Variants in TENM1 observed in about 807,000 individuals in gnomAD.
TENM1 encodes the protein teneurin transmembrane protein 1, also known as teneurin-1.
In TENM1, 35 loss-of-function variants were observed where a neutral mutation model predicts 174.8. The observed-to-expected ratio is 0.20, with a 90% CI of 0.15 to 0.27. The LOEUF (loss-of-function observed/expected upper bound fraction) is 0.27. TENM1 is among the 10% of genes least tolerant of loss of function. The pLI is 1.00. For missense variants in TENM1, 1,633 were observed against 2,130.1 expected (o/e 0.77, Z 4.59); for synonymous variants, 781 against 798.7 (o/e 0.98, Z 0.37).
chrX:125,149,480 C>T, the TENM1 span, among the ~76,000 whole-genome samples: 1 of 112,012 alleles, frequency 8.9e-6, no homozygotes, highest in Non-Finnish European at 1.9e-5. Flanking sequence ...CCATTTGCAT[C>T]CCTAGTGCTC....
chrX:125,183,475 A>ATTG, the TENM1 span, among the ~76,000 whole-genome samples: 1 of 112,137 alleles, frequency 8.9e-6, no homozygotes, highest in Admixed American at 9.5e-5. Context: ...GAAAGGTGCC[A>ATTG]GATTGAAAGC....
At chrX:124,790,143 A>G (rs1180571567) in intron 3 of TENM1, among the ~76,000 whole-genome samples, 2 of 111,625 alleles carry the variant, frequency 1.8e-5, no homozygotes, top group African/African-American at 6.5e-5. Context: ...AGACCCATGC[A>G]CTATCATGAG....
intron 14 of TENM1, among the ~76,000 whole-genome samples, chrX:124,560,269 C>T (rs752774898): frequency 1.9e-5 from 2 of 105,248 alleles, no homozygotes; most frequent in African/African-American, 7.0e-5. Context: ...TCAAGTGGCT[C>T]ACTTGAACTA....
chrX:124,418,526 C>T (rs781566026), intron 25 of TENM1, among the ~76,000 whole-genome samples: 5 of 111,919 alleles, frequency 4.5e-5, no homozygotes, highest in African/African-American at 1.6e-4. Context: ...CTCCATAGAA[C>T]TTATCACCAT....
At chrX:124,511,174 T>C (rs1363786226) in intron 18 of TENM1, among the ~76,000 whole-genome samples, 1 of 112,293 alleles carries the variant, frequency 8.9e-6, no homozygotes, top group East Asian at 2.8e-4. Context: ...TGCTCCATTT[T>C]TCAGACACTT....
At chrX:124,697,101 C>A (rs779133696) in intron 5 of TENM1, among the ~76,000 whole-genome samples, 2 of 111,604 alleles carry the variant, frequency 1.8e-5, no homozygotes, top group African/African-American at 6.5e-5. Flanking sequence ...TATATCTTTT[C>A]TTCCTGTTAA....
chrX:124,838,729 G>T (rs754522730), intron 3 of TENM1, among the ~76,000 whole-genome samples: 1 of 111,169 alleles, frequency 9.0e-6, no homozygotes, highest in African/African-American at 3.3e-5. Context: ...TGACGTGTTG[G>T]TGATGATATG....
At chrX:124,478,528 C>T (rs761931414) in intron 22 of TENM1, among the ~76,000 whole-genome samples, 4 of 112,279 alleles carry the variant, frequency 3.6e-5, no homozygotes, top group African/African-American at 9.7e-5. Flanking sequence ...AATTAGCTGT[C>T]GTACAGATTA....
intron 1 of TENM1, among the ~76,000 whole-genome samples, chrX:124,961,698 C>T (rs979573485): frequency 9.0e-6 from 1 of 111,159 alleles, no homozygotes; most frequent in Non-Finnish European, 1.9e-5. Context: ...AGATCACCTA[C>T]ACAGTGAAAC....
chrX:124,591,819 C>T lies in TENM1; in HGVS notation c.2078-26259G>A, dbSNP rs1177630617. On this transcript the variant is annotated intron_variant, in intron 11 of 31. Coordinates refer to ENST00000422452, the Ensembl canonical transcript of TENM1. Reference sequence around the variant, plus strand: ...TTTGAATTATTCCCTCAAATGTTTTCCAGGTTTTTGCTTTTTCTCCTCCTC... The same window carrying T: ...TTTGAATTATTCCCTCAAATGTTTTTCAGGTTTTTGCTTTTTCTCCTCCTC... Among the ~76,000 whole-genome samples, 4 of 111,951 alleles carry T rather than the reference C, an allele frequency of 3.6e-5. No homozygotes were observed. The East Asian group carries it at 1.1e-3, about 31-fold the overall frequency.
At chrX:125,054,827 T>C in the TENM1 span, among the ~76,000 whole-genome samples, 2 of 111,720 alleles carry the variant, frequency 1.8e-5, no homozygotes, top group Non-Finnish European at 3.8e-5. Context: ...ACTGCCTTTC[T>C]TGGCATGACC....
intron 5 of TENM1, among the ~76,000 whole-genome samples, chrX:124,698,201 T>G (rs1018763159): frequency 1.8e-5 from 2 of 110,844 alleles, no homozygotes; most frequent in Non-Finnish European, 3.8e-5. Context: ...GATTTTGGTG[T>G]CCTCAACGGT....
At chrX:124,935,487 T>G (rs1299442768) in intron 1 of TENM1, among the ~76,000 whole-genome samples, 1 of 112,257 alleles carries the variant, frequency 8.9e-6, no homozygotes, top group Non-Finnish European at 1.9e-5. Flanking sequence ...ACTGTTATTA[T>G]CACACTGTGT....
At chrX:124,990,881 G>A in the TENM1 span, among the ~76,000 whole-genome samples, 2 of 111,271 alleles carry the variant, frequency 1.8e-5, no homozygotes, top group Non-Finnish European at 3.8e-5. Context: ...CTCCATGGTC[G>A]GCAACTTTGA....
intron 3 of TENM1, among the ~76,000 whole-genome samples, chrX:124,879,435 G>A (rs1435434562): frequency 8.9e-6 from 1 of 111,998 alleles, no homozygotes; most frequent in East Asian, 2.8e-4. Context: ...CCATGTTGCT[G>A]CAGATGACAG....
At chrX:125,037,536 C>T in the TENM1 span, among the ~76,000 whole-genome samples, 1 of 110,658 alleles carries the variant, frequency 9.0e-6, no homozygotes, top group African/African-American at 3.3e-5. Flanking sequence ...CCATACTGGG[C>T]CCTTGTTTTG....
chrX:124,576,082 C>T (rs1006001406), intron 11 of TENM1, among the ~76,000 whole-genome samples: 2 of 110,030 alleles, frequency 1.8e-5, no homozygotes, highest in Non-Finnish European at 3.8e-5. Context: ...TTTTTTGAGA[C>T]GGAGTCGCAC....
At chrX:124,416,849 A>C (rs1334836172) in intron 25 of TENM1, among the ~76,000 whole-genome samples, 1 of 111,759 alleles carries the variant, frequency 8.9e-6, no homozygotes, top group Non-Finnish European at 1.9e-5. Context: ...CTCTGCCTTC[A>C]TGAATGCAAT....
chrX:124,510,900 T>C (rs1470726057), intron 18 of TENM1, among the ~76,000 whole-genome samples: 1 of 111,694 alleles, frequency 9.0e-6, no homozygotes, highest in Non-Finnish European at 1.9e-5. Flanking sequence ...TTCTATTCAA[T>C]TTTTCAAAAC....
Sources: allele counts gnomAD v4.1 joint callset (sites outside exome capture counted in the v4.1 genomes callset), GRCh38; gene constraint gnomAD v4.1.1; transcripts MANE v1.5; gene names NCBI Gene and HGNC (gene_info 2026-07-23, HGNC 2026-07-21).